The following NXN variants were observed in gnomAD, a reference collection of about 807,000 sequenced individuals.
The protein encoded by NXN is nucleoredoxin 1.
NXN carries 16 observed loss-of-function variants against 48.6 expected under a neutral mutation model. The observed-to-expected ratio is 0.33, with a 90% CI of 0.22 to 0.50. NXN has a LOEUF of 0.50. Among genes scored for constraint, NXN ranks in the 20% least tolerant of loss-of-function variants. NXN has a pLI of 0.98. For missense variants in NXN, 492 were observed against 605.5 expected (o/e 0.81, Z 1.97); for synonymous variants, 281 against 269.6 (o/e 1.04, Z -0.41).
intron 1 of NXN, among the ~76,000 whole-genome samples, chr17:966,294 A>G (rs2069302223): frequency 6.6e-6 from 1 of 151,102 alleles, no homozygotes; most frequent in African/African-American, 2.4e-5. Flanking sequence ...ACATTATGAG[A>G]TTTTTTTGCT....
intron 1 of NXN, among the ~76,000 whole-genome samples, chr17:947,063 C>A (rs968518101): frequency 6.6e-6 from 1 of 152,156 alleles, no homozygotes; most frequent in African/African-American, 2.4e-5. Context: ...ACTCAGGGCC[C>A]AGCACGGGCC....
At position 805,327 on chromosome 17, in the gene NXN, C is replaced by T. The variant is rs1274200230; in HGVS notation, c.821-80G>A. ...GGCAGGAGGCTCGCGGGGTCCAGCC[C>T]GGGGTCCCCCCGACCGTGGTGGAGC... On this transcript the variant is annotated intron_variant, in intron 5 of 7. Coordinates refer to ENST00000336868, the MANE Select transcript of NXN (RefSeq NM_022463.5). 3.0e-5 allele frequency: 44 copies of T among 1,457,042 alleles called. No homozygotes were observed. The Admixed American group carries it at 3.3e-4, about 11-fold the overall frequency. The allele number at this position is 1,457,042 out of a possible 1,614,324, so 90.3% of individuals were successfully genotyped here. A position where few individuals can be genotyped will look rare whatever the true frequency, so the allele number is the denominator to read the frequency against.
rs1485868091 is a variant in NXN at position 800,082 on chromosome 17, C to CT, written c.*866dup. The CT allele has an allele frequency of 6.6e-6, 1 of 152,542 alleles. No individual in the cohort carries two copies. The highest frequency in any genetic ancestry group is 2.4e-5 in the African/African-American group (1 of 41,452). 9.4% of individuals were successfully genotyped at this position (152,542 alleles called of 1,614,324 possible). On this transcript the variant is annotated 3_prime_UTR_variant, in exon 8 of 8. Transcript: ENST00000336868. ...AGTGAGCCAAGATGGTGCCACTGCA[C>CT]TCCAGCCTGGGCGACAGAGCAAGAC...
chr17:881,277 T>C (rs2068281138), intron 1 of NXN, among the ~76,000 whole-genome samples: 1 of 152,222 alleles, frequency 6.6e-6, no homozygotes, highest in Non-Finnish European at 1.5e-5. Context: ...TGAGACAGGA[T>C]CTCACTGTTA....
chr17:934,427 C>G lies in NXN; in HGVS notation c.360+44892G>C, dbSNP rs190697873. On this transcript the variant is annotated intron_variant, in intron 1 of 7. Transcript: ENST00000336868. ...CACCACTGCACTCTAGCCTGGGCAA[C>G]ACAACGAGACTCTGTCTCAAAGAAA... Among the ~76,000 whole-genome samples the G allele has an allele frequency of 9.8e-4, 143 of 146,404 alleles. 2 individuals are homozygous for G. The highest frequency in any genetic ancestry group is 7.4e-3 in the Admixed American group (107 of 14,426).
At chr17:880,182 G>A (rs544873015) in intron 1 of NXN, 1 of 152,294 alleles carries the variant, frequency 6.6e-6, no homozygotes, top group East Asian at 1.9e-4. Flanking sequence ...TCCTGATCCT[G>A]GTCCCCGGAG....
At chr17:941,606 T>C (rs201549849) in intron 1 of NXN, among the ~76,000 whole-genome samples, 315 of 17,590 alleles carry the variant, frequency 0.018, 1 homozygote, top group East Asian at 0.058. Context: ...GATTCCAGGG[T>C]GCAGCCATGA....
intron 1 of NXN, among the ~76,000 whole-genome samples, chr17:846,427 A>G (rs553013720): frequency 2.1e-4 from 31 of 149,772 alleles, no homozygotes; most frequent in South Asian, 1.9e-3. Context: ...AAAAAAAAAA[A>G]AAAAGAAAAG....
intron 1 of NXN, among the ~76,000 whole-genome samples, chr17:931,241 C>A (rs1488590396): frequency 6.7e-6 from 1 of 149,868 alleles, no homozygotes; most frequent in Non-Finnish European, 1.5e-5. Flanking sequence ...GAGCTGAGAT[C>A]GCGCCACTGC....
At chr17:974,540 C>T (rs1000470846) in intron 1 of NXN, among the ~76,000 whole-genome samples, 1 of 151,846 alleles carries the variant, frequency 6.6e-6, no homozygotes, top group Admixed American at 6.6e-5. Flanking sequence ...TATATTATCT[C>T]GCGTAGCCTT....
chr17:959,205 G>T (rs573750495), intron 1 of NXN: 4 of 1,032,662 alleles, frequency 3.9e-6, no homozygotes, highest in Non-Finnish European at 5.2e-6. Flanking sequence ...CAGCCAGTAC[G>T]TGTGTCAGCA....
In NXN at chr17:840,075, C is replaced by T. The variant is rs901721370; in HGVS notation, c.361-13997G>A. Among the ~76,000 whole-genome samples, 91 of 144,478 alleles carry T rather than the reference C, an allele frequency of 6.3e-4. 1 individual carries two copies. Among genetic ancestry groups the T allele is most frequent in the African/African-American group, 1.8e-3 (68 of 38,532 alleles). 94.8% of individuals were successfully genotyped at this position (144,478 alleles called of 152,430 possible). A position where few individuals can be genotyped will look rare whatever the true frequency, so the allele number is the denominator to read the frequency against. On this transcript the variant is annotated intron_variant, in intron 1 of 7. Transcript: ENST00000336868. ...TCGTGCCACTGCACTCCAGCGTGGG[C>T]GACAGAGCGAGACTGTCTCAAAAAA... is the stretch of plus-strand genomic sequence containing the variant.
intron 4 of NXN, among the ~76,000 whole-genome samples, chr17:822,147 C>T (rs566299128): frequency 1.4e-4 from 21 of 151,704 alleles, no homozygotes; most frequent in Admixed American, 3.9e-4. Context: ...GGCATGGTGG[C>T]GGGCACCTGT....
rs1273537661 is a variant in NXN at position 958,223 on chromosome 17, A to AG, written c.360+21095dup. 1.3e-5 allele frequency among the ~76,000 whole-genome samples: 2 copies of AG among 152,188 alleles called. No homozygotes were observed. ...CTTTCCAGAAGGCTTTTCTTGCAGGAGGTGGCTGCCAGCTTGTCCCTTCCC... is the reference window on the plus strand; with the variant it reads ...CTTTCCAGAAGGCTTTTCTTGCAGGAGGGTGGCTGCCAGCTTGTCCCTTCCC... On this transcript the variant is annotated intron_variant, in intron 1 of 7. Coordinates refer to ENST00000336868, the MANE Select transcript of NXN (RefSeq NM_022463.5). This position sits in a 1 kb window ranked among gnomAD's most constrained non-coding sequence, Gnocchi z 6.9.
In NXN at chr17:958,753, C is replaced by T. The variant is rs1245936719; in HGVS notation, c.360+20566G>A. Among the ~76,000 whole-genome samples the T allele has an allele frequency of 1.3e-5, 2 of 152,058 alleles. No individual in the cohort carries two copies. The highest frequency in any genetic ancestry group is 2.9e-5 in the Non-Finnish European group (2 of 68,024). ...CTCCAGCACAGGCGACAGAGCGAGA[C>T]TCCCTCTCAAAAAATAAAATAAAAT... On this transcript the variant is annotated intron_variant, in intron 1 of 7. Transcript: ENST00000336868. The surrounding 1 kb of genome is among the most constrained non-coding windows in gnomAD (Gnocchi z 6.9).
intron 1 of NXN, among the ~76,000 whole-genome samples, chr17:855,359 C>A (rs1265129747): frequency 6.6e-6 from 1 of 152,158 alleles, no homozygotes; most frequent in Non-Finnish European, 1.5e-5. Flanking sequence ...TCTGATAGCG[C>A]CCAAGGGGCT....
chr17:896,924 T>C (rs2068493006), intron 1 of NXN: 1 of 1,246,918 alleles, frequency 8.0e-7, no homozygotes, highest in Non-Finnish European at 1.0e-6. Flanking sequence ...ACAATATTCT[T>C]CTTTTTTTCC....
intron 1 of NXN, among the ~76,000 whole-genome samples, chr17:960,291 T>C (rs907818795): frequency 9.9e-5 from 15 of 152,176 alleles, no homozygotes; most frequent in African/African-American, 3.6e-4. Flanking sequence ...CTTTTCTGAA[T>C]GCAGTATGTG....
At chr17:948,557 A>G (rs1458007477) in intron 1 of NXN, among the ~76,000 whole-genome samples, 2 of 151,988 alleles carry the variant, frequency 1.3e-5, no homozygotes, top group South Asian at 4.1e-4. Context: ...CTGGGGACCT[A>G]GCGGTGAACA....
Sources: gnomAD v4.1 joint callset for allele counts (sites outside exome capture counted in the v4.1 genomes callset) on GRCh38, gnomAD v4.1.1 for gene constraint, Gnocchi (gnomAD v3.1) non-coding constraint, MANE v1.5 for transcripts, NCBI Gene and HGNC (gene_info 2026-07-23, HGNC 2026-07-21) for gene names.